The following DLGAP1 variants were observed in gnomAD, a reference collection of about 807,000 sequenced individuals.
DLGAP1 encodes the protein DLG associated protein 1.
In DLGAP1, 11 loss-of-function variants were observed where a neutral mutation model predicts 90.8. That is an observed-to-expected ratio of 0.12 (90% CI 0.08 to 0.20). The LOEUF (loss-of-function observed/expected upper bound fraction) is 0.20, where lower values mean the gene tolerates loss of function less well. Among genes scored for constraint, DLGAP1 ranks in the 10% least tolerant of loss-of-function variants. The probability of loss-of-function intolerance (pLI) is 1.00; values close to 1 mark genes in which losing one functional copy is unlikely to be tolerated. For synonymous variants in DLGAP1, 558 were observed against 540.7 expected (o/e 1.03, Z -0.44); for missense variants, 1,050 against 1,333.8 (o/e 0.79, Z 3.31).
chr18:4,147,273 A>C (rs1467206448), intron 2 of DLGAP1, among the ~76,000 whole-genome samples: 1 of 152,180 alleles, frequency 6.6e-6, no homozygotes, highest in Non-Finnish European at 1.5e-5. Flanking sequence ...ATTTATCTTG[A>C]TATAAATGAC....
intron 11 of DLGAP1, among the ~76,000 whole-genome samples, chr18:3,503,136 T>G (rs1360018487): frequency 6.6e-6 from 1 of 152,226 alleles, no homozygotes; most frequent in Non-Finnish European, 1.5e-5. Flanking sequence ...AATAAAATAT[T>G]GGATGTTCCA....
intron 3 of DLGAP1, among the ~76,000 whole-genome samples, chr18:3,889,749 T>G (rs2071410791): frequency 6.6e-6 from 1 of 152,176 alleles, no homozygotes; most frequent in Non-Finnish European, 1.5e-5. Flanking sequence ...TTGGGAAATC[T>G]AGGTGGGGAT....
At chr18:4,239,227 G>A (rs886415062) in intron 1 of DLGAP1, among the ~76,000 whole-genome samples, 1 of 152,158 alleles carries the variant, frequency 6.6e-6, no homozygotes, top group East Asian at 1.9e-4. Flanking sequence ...CAAATCTTCA[G>A]CTTTACAATG....
chr18:4,256,196 G>T (rs2078884007), intron 1 of DLGAP1, among the ~76,000 whole-genome samples: 1 of 152,088 alleles, frequency 6.6e-6, no homozygotes, highest in South Asian at 2.1e-4. Context: ...ATCAGCTTGG[G>T]CAACAAAATG....
rs1427102724 is a variant in DLGAP1, at chr18:4,031,836, AATG to A, written c.-158-26638_-158-26636del. Among the ~76,000 whole-genome samples, 9 of 152,390 alleles carry A rather than the reference AATG, an allele frequency of 5.9e-5. No homozygotes were observed. In the East Asian group the frequency reaches 1.5e-3, roughly 26 times the overall value. On this transcript the variant is annotated intron_variant, in intron 2 of 12. Coordinates refer to ENST00000315677, the MANE Select transcript of DLGAP1 (RefSeq NM_004746.4). ...GACAAGAAAATAGTGCTTCAATTAA[AATG>A]ATGATGATAAAAATGACAGAGCAAC...
chr18:4,385,364 C>T (rs1002501109), intron 1 of DLGAP1, among the ~76,000 whole-genome samples: 1 of 152,178 alleles, frequency 6.6e-6, no homozygotes, highest in Non-Finnish European at 1.5e-5. Flanking sequence ...GAAAAGTTAG[C>T]TCTCAAAATG....
rs116233391 is a variant in DLGAP1 at position 4,109,678 on chromosome 18, A to G, written c.-159+41502T>C. Among the ~76,000 whole-genome samples the G allele has an allele frequency of 5.9e-3, 903 of 152,286 alleles. 7 individuals carry two copies. The highest frequency in any genetic ancestry group is 0.02 in the African/African-American group (839 of 41,550). On this transcript the variant is annotated intron_variant, in intron 2 of 12. Transcript: ENST00000315677. ...GTCCTCTCCTTCCTCATTCACTCCT[A>G]GAATCTCTAGGACTCCAGCCTATAC...
intron 1 of DLGAP1, among the ~76,000 whole-genome samples, chr18:4,426,433 A>G (rs1478708214): frequency 6.6e-6 from 1 of 152,214 alleles, no homozygotes; most frequent in Non-Finnish European, 1.5e-5. Context: ...TTGTACTACC[A>G]GATTTATTGA....
rs900344329 is a variant in DLGAP1 at position 3,659,651 on chromosome 18, C to T, written c.1591+69484G>A. Among the ~76,000 whole-genome samples, 22 of 151,902 alleles carry T rather than the reference C, an allele frequency of 1.4e-4. 1 individual carries two copies. The highest frequency in any genetic ancestry group is 5.1e-4 in the African/African-American group (21 of 41,340). The stretch of plus-strand genomic sequence containing the variant: ...TGCAATCTCGGCTCACTGCAACCTC[C>T]GCCTCCCAGCTTCAAGCGATTCTCC... On this transcript the variant is annotated intron_variant, in intron 7 of 12. Coordinates refer to ENST00000315677, the MANE Select transcript of DLGAP1 (RefSeq NM_004746.4).
intron 1 of DLGAP1, among the ~76,000 whole-genome samples, chr18:4,412,390 C>G (rs2082798504): frequency 6.6e-6 from 1 of 152,124 alleles, no homozygotes; most frequent in Admixed American, 6.5e-5. Context: ...ATAGCAAGTG[C>G]CCTCATCAAG....
At position 3,499,234 on chromosome 18, in the gene DLGAP1, C is replaced by T. The variant is rs1249057061; in HGVS notation, c.2885G>A (p.Ser962Asn). 1 of 1,598,122 alleles carries T rather than the reference C, an allele frequency of 6.3e-7. No homozygotes were observed. Among genetic ancestry groups the T allele is most frequent in the African/African-American group, 1.4e-5 (1 of 73,496 alleles). The change falls in exon 13 of 13, where the codon AGC becomes AAC. Residue 962 changes from serine (S) to asparagine (N), a missense_variant. Around this residue, in one of 2 missense-constraint regions of DLGAP1, gnomAD observed 565 missense variants for 879.7 expected, o/e 0.64. Coordinates refer to ENST00000315677, the MANE Select transcript of DLGAP1 (RefSeq NM_004746.4). The surrounding 1 kb of genome is among the most constrained non-coding windows in gnomAD (Gnocchi z 6.4). ...ASVRQNSATE[S>N]AESIEIYIPE... is the part of the protein sequence containing the mutation. ...GATGTAGATCTCGATGCTCTCGGCG[C>T]TCTCGGTGGCCGAGTTCTGGCGGAC...
chr18:3,814,405 A>G (rs2066995594), intron 4 of DLGAP1, 132 bp from the exon 5 acceptor site: 2 of 820,648 alleles, frequency 2.4e-6, no homozygotes, highest in African/African-American at 4.0e-5. Context: ...TTTGTCGCCC[A>G]GACTGGAGTG....
chr18:3,528,748 T>C (rs968127137), intron 10 of DLGAP1, among the ~76,000 whole-genome samples: 2 of 152,236 alleles, frequency 1.3e-5, no homozygotes, highest in African/African-American at 4.8e-5. Context: ...CTGATCTGGA[T>C]TGGCCGCATT....
intron 2 of DLGAP1, among the ~76,000 whole-genome samples, chr18:4,057,483 CA>C (rs1283114243): frequency 4.6e-5 from 7 of 152,180 alleles, no homozygotes; most frequent in Non-Finnish European, 1.0e-4. Context: ...ACGGAAGAAT[CA>C]GGGGAGAAGG....
chr18:3,905,673 G>A (rs908917404), intron 3 of DLGAP1, among the ~76,000 whole-genome samples: 2 of 152,136 alleles, frequency 1.3e-5, no homozygotes, highest in South Asian at 4.2e-4. Context: ...CAATGCGATA[G>A]GCCCCAGCTA....
At chr18:3,976,603 G>A (rs1377343835) in intron 3 of DLGAP1, among the ~76,000 whole-genome samples, 1 of 152,070 alleles carries the variant, frequency 6.6e-6, no homozygotes. Context: ...TATGTCAAGA[G>A]AAAATTACTC....
intron 4 of DLGAP1, among the ~76,000 whole-genome samples, chr18:3,832,716 T>C (rs998592899): frequency 3.3e-5 from 5 of 149,894 alleles, no homozygotes; most frequent in Non-Finnish European, 1.5e-5. Flanking sequence ...TCAGGAAAAA[T>C]AATTTATGTG....
chr18:3,897,334 A>G (rs2071651145), intron 3 of DLGAP1, among the ~76,000 whole-genome samples: 1 of 152,242 alleles, frequency 6.6e-6, no homozygotes, highest in Non-Finnish European at 1.5e-5. Context: ...TTGATATAGA[A>G]GGGAGCCAAT....
intron 1 of DLGAP1, chr18:4,280,731 G>T (rs569739691): frequency 6.6e-6 from 1 of 152,156 alleles, no homozygotes; most frequent in African/African-American, 2.4e-5. Flanking sequence ...CCTTTCTAGG[G>T]AGGAGGCTCC....
Sources: allele counts gnomAD v4.1 joint callset (sites outside exome capture counted in the v4.1 genomes callset), GRCh38; gene constraint gnomAD v4.1.1; regional missense constraint gnomAD v4.1.1; non-coding constraint Gnocchi (gnomAD v3.1); transcripts MANE v1.5; gene names NCBI Gene and HGNC (gene_info 2026-07-23, HGNC 2026-07-21).